The following KLF12 variants were observed in gnomAD, a reference collection of about 807,000 sequenced individuals.
KLF12 encodes Krueppel-like factor 12.
KLF12 carries 9 observed loss-of-function variants against 37.8 expected under a neutral mutation model. That is an observed-to-expected ratio of 0.24 (90% CI 0.14 to 0.42). The LOEUF (loss-of-function observed/expected upper bound fraction) is 0.42. Among genes scored for constraint, KLF12 ranks in the 10% least tolerant of loss-of-function variants. KLF12 has a pLI of 1.00. For missense variants in KLF12, 411 were observed against 516.0 expected (o/e 0.80, Z 1.97); for synonymous variants, 208 against 202.1 (o/e 1.03, Z -0.25).
intron 3 of KLF12, among the ~76,000 whole-genome samples, chr13:73,873,103 G>A (rs1023070317): frequency 2.0e-5 from 3 of 151,408 alleles, no homozygotes; most frequent in African/African-American, 7.3e-5. Context: ...CATTTTTATG[G>A]GTTTAAAGCC....
At chr13:74,068,247 A>C (rs925144650) in intron 1 of KLF12, among the ~76,000 whole-genome samples, 2 of 152,254 alleles carry the variant, frequency 1.3e-5, no homozygotes, top group Non-Finnish European at 2.9e-5. Context: ...ACGAAAAATA[A>C]GTTGTATGTT....
intron 2 of KLF12, among the ~76,000 whole-genome samples, chr13:73,994,035 C>T (rs1322232672): frequency 3.3e-5 from 5 of 152,156 alleles, no homozygotes; most frequent in African/African-American, 1.2e-4. Context: ...ATATCTGAAT[C>T]AATATGCCTC....
intron 3 of KLF12, among the ~76,000 whole-genome samples, chr13:73,932,489 C>CA (rs981588326): frequency 9.2e-5 from 14 of 151,650 alleles, no homozygotes; most frequent in Non-Finnish European, 1.5e-4. Flanking sequence ...GAAAACAAAA[C>CA]AAAAAAAACC....
At chr13:74,244,496 G>A in the KLF12 span, among the ~76,000 whole-genome samples, 160 of 152,296 alleles carry the variant, frequency 1.1e-3, no homozygotes, top group African/African-American at 3.8e-3. Flanking sequence ...GGATGAGACC[G>A]TTGAGGTAAT....
chr13:74,161,612 A>T, the KLF12 span, among the ~76,000 whole-genome samples: 17 of 152,204 alleles, frequency 1.1e-4, no homozygotes, highest in Admixed American at 1.1e-3. Context: ...TGGCCTCCAG[A>T]TGCAGAGAAT....
the KLF12 span, among the ~76,000 whole-genome samples, chr13:74,287,557 A>G: frequency 6.6e-6 from 1 of 152,216 alleles, no homozygotes; most frequent in Non-Finnish European, 1.5e-5. Context: ...TTTATCTTAC[A>G]TAGAGTTTAA....
chr13:73,868,599 C>A (rs766775327), intron 3 of KLF12, among the ~76,000 whole-genome samples: 6 of 151,966 alleles, frequency 3.9e-5, no homozygotes, highest in Non-Finnish European at 7.4e-5. Flanking sequence ...CCATATTGGC[C>A]AGGCTGGTCT....
intron 3 of KLF12, among the ~76,000 whole-genome samples, chr13:73,929,160 A>G (rs1258869419): frequency 6.6e-6 from 1 of 152,210 alleles, no homozygotes; most frequent in Non-Finnish European, 1.5e-5. Flanking sequence ...ATTCAATAAA[A>G]GTGCAAATAC....
chr13:74,134,376 C>A (rs900310484), upstream of KLF12, among the ~76,000 whole-genome samples: 2 of 152,022 alleles, frequency 1.3e-5, no homozygotes, highest in African/African-American at 4.8e-5. Context: ...GCCGCTCCGC[C>A]CGAGGATTAG....
chr13:74,080,419 G>A (rs976625593), intron 1 of KLF12, among the ~76,000 whole-genome samples: 2 of 152,048 alleles, frequency 1.3e-5, no homozygotes, highest in African/African-American at 4.8e-5. Flanking sequence ...CCACACTCAA[G>A]TCTGGGTGAC....
chr13:73,772,282 T>C (rs927638910), intron 5 of KLF12, among the ~76,000 whole-genome samples: 3 of 152,210 alleles, frequency 2.0e-5, no homozygotes, highest in Non-Finnish European at 2.9e-5. Context: ...CTATGTGCTA[T>C]GAAGTGTGTG....
the KLF12 span, among the ~76,000 whole-genome samples, chr13:74,303,854 T>C: frequency 6.6e-6 from 1 of 152,120 alleles, no homozygotes; most frequent in Non-Finnish European, 1.5e-5. Flanking sequence ...GGGTGCGTTA[T>C]TTGTCCATGT....
At chr13:73,895,258 A>T (rs1325384529) in intron 3 of KLF12, among the ~76,000 whole-genome samples, 1 of 152,210 alleles carries the variant, frequency 6.6e-6, no homozygotes, top group Admixed American at 6.5e-5. Context: ...GAGTGACAGA[A>T]GATTTGTATA....
At chr13:74,063,091 A>T (rs1272924282) in intron 1 of KLF12, among the ~76,000 whole-genome samples, 1 of 152,184 alleles carries the variant, frequency 6.6e-6, no homozygotes, top group Non-Finnish European at 1.5e-5. Flanking sequence ...CCGCACCTCC[A>T]GCTGCCTCGG....
At chr13:73,728,301 T>A (rs1267559589) in intron 6 of KLF12, among the ~76,000 whole-genome samples, 1 of 152,226 alleles carries the variant, frequency 6.6e-6, no homozygotes, top group Non-Finnish European at 1.5e-5. Flanking sequence ...GTTTGTTTAT[T>A]CATCTTGTGT....
At chr13:74,238,707 G>T in the KLF12 span, among the ~76,000 whole-genome samples, 1 of 150,718 alleles carries the variant, frequency 6.6e-6, no homozygotes, top group Admixed American at 6.6e-5. Context: ...ATTTCTTCTA[G>T]ATTTTCTAGT....
At chr13:74,278,453 A>G in the KLF12 span, among the ~76,000 whole-genome samples, 1 of 152,174 alleles carries the variant, frequency 6.6e-6, no homozygotes, top group Non-Finnish European at 1.5e-5. Context: ...ATTCAGCAAC[A>G]ACTCTCTTTC....
In KLF12 at chr13:73,786,087, T is replaced by G. The variant is rs540827730; in HGVS notation, c.807-21087A>C. 2.0e-5 allele frequency among the ~76,000 whole-genome samples: 3 copies of G among 152,256 alleles called. No homozygotes were observed. In the East Asian group the frequency reaches 5.8e-4, roughly 29 times the overall value. On this transcript the variant is annotated intron_variant, in intron 5 of 7. Transcript: ENST00000377669. ...TGCCCTGTGCAAAGAGGCTGGGTCT[T>G]CTGGCAAGCATGACAGCTGAGACGT...
At chr13:74,262,765 CAGTT>C in the KLF12 span, among the ~76,000 whole-genome samples, 1 of 151,996 alleles carries the variant, frequency 6.6e-6, no homozygotes, top group Non-Finnish European at 1.5e-5. Flanking sequence ...GATCCCGACT[CAGTT>C]AGGACCTCAG....
Sources: allele counts gnomAD v4.1 joint callset (sites outside exome capture counted in the v4.1 genomes callset), GRCh38; gene constraint gnomAD v4.1.1; transcripts MANE v1.5; gene names NCBI Gene and HGNC (gene_info 2026-07-23, HGNC 2026-07-21).